Variants in MYO7B observed in about 807,000 individuals in gnomAD.
The protein encoded by MYO7B is myosin VIIB.
A neutral mutation model predicts 259.7 loss-of-function variants in MYO7B; 212 were observed. That is an observed-to-expected ratio of 0.82 (90% CI 0.73 to 0.91). The LOEUF (loss-of-function observed/expected upper bound fraction) is 0.91. Ranked by LOEUF, MYO7B falls within the 40% of genes least tolerant of loss-of-function variation. The pLI is 0.00. For missense variants in MYO7B, 2,732 were observed against 2,813.5 expected (o/e 0.97, Z 0.66); for synonymous variants, 1,197 against 1,166.4 (o/e 1.03, Z -0.54).
chr2:127,636,841 C>G lies in MYO7B; in HGVS notation c.6255C>G (p.Ser2085Arg). The change falls in exon 47 of 48, where the codon AGC (serine) becomes AGG (arginine). Residue 2085 changes from serine (S) to arginine (R), a missense_variant. Ser to Arg is a moderately radical substitution (Grantham distance 110). Coordinates refer to ENST00000409816, the MANE Select transcript of MYO7B (RefSeq NM_001393586.1). The surrounding 1 kb of genome is among the most constrained non-coding windows in gnomAD (Gnocchi z 4.5). ...TCACCAAGATCTCCAGCTGGAGCAG[C>G]GGCAGCACCTACTTCCACATGGCGC... The part of the protein sequence containing the change: ...YPFTKISSWS[S>R]GSTYFHMALG... The G allele has an allele frequency of 6.2e-7, 1 of 1,613,626 alleles. No homozygotes were observed. The highest frequency in any genetic ancestry group is 8.5e-7 in the Non-Finnish European group (1 of 1,179,852).
At chr2:127,564,114 G>C in intron 2 of MYO7B, 39 bp from the exon 3 acceptor site, 2 of 1,376,522 alleles carry the variant, frequency 1.5e-6, no homozygotes, top group Non-Finnish European at 1.0e-6. Flanking sequence ...GGGGAAGAGA[G>C]AGCGGGGATC....
At chr2:127,620,224 A>G (rs1680774190) in intron 26 of MYO7B, 116 bp from the exon 27 acceptor site, 4 of 1,245,112 alleles carry the variant, frequency 3.2e-6, no homozygotes, top group African/African-American at 3.0e-5. Context: ...GGCGCTGGAG[A>G]GGTGCCCTGC....
At position 127,631,592 on chromosome 2, in the gene MYO7B, A is replaced by C. The variant is rs756208224; in HGVS notation, c.5096-8A>C. 5 of 1,612,736 alleles carry C rather than the reference A, an allele frequency of 3.1e-6. No individual in the cohort carries two copies. In the South Asian group the frequency reaches 5.5e-5, roughly 18 times the overall value. ...CTGCCCCAGCACTGTGCTCCTTGAC[A>C]GCCACACCCATCCTCCGGTACATGG... On this transcript the variant is annotated splice_polypyrimidine_tract_variant and splice_region_variant and intron_variant, in intron 37 of 47. Coordinates refer to ENST00000409816, the MANE Select transcript of MYO7B (RefSeq NM_001393586.1).
At chr2:127,580,221 C>T (rs1048740861) in intron 9 of MYO7B, among the ~76,000 whole-genome samples, 3 of 152,190 alleles carry the variant, frequency 2.0e-5, no homozygotes, top group Non-Finnish European at 4.4e-5. Context: ...ACCAGCCTGG[C>T]ACGTCCTAAG....
intron 1 of MYO7B, among the ~76,000 whole-genome samples, chr2:127,542,565 T>C (rs17015399): frequency 0.12 from 18,262 of 152,112 alleles, 1,664 homozygotes; most frequent in East Asian, 0.24. Context: ...ATGCATACTA[T>C]GGATAAGGAT....
chr2:127,637,112 G>T, intron 47 of MYO7B, 199 bp downstream of exon 47: 1 of 1,044,790 alleles, frequency 9.6e-7, no homozygotes. Context: ...GGGACCCCCT[G>T]CGCCCTTGGC....
intron 1 of MYO7B, among the ~76,000 whole-genome samples, chr2:127,551,825 G>A (rs931620965): frequency 1.3e-5 from 2 of 152,164 alleles, no homozygotes; most frequent in African/African-American, 2.4e-5. Context: ...GGTGTTCTGC[G>A]GAGTGGGTGG....
At chr2:127,616,095 A>G (rs1680563143) in intron 26 of MYO7B, among the ~76,000 whole-genome samples, 1 of 152,086 alleles carries the variant, frequency 6.6e-6, no homozygotes, top group Non-Finnish European at 1.5e-5. Flanking sequence ...ACAAGCTGCA[A>G]CTCAGCTTCT....
intron 6 of MYO7B, among the ~76,000 whole-genome samples, chr2:127,570,224 C>T (rs1678538804): frequency 6.6e-6 from 1 of 151,948 alleles, no homozygotes; most frequent in Non-Finnish European, 1.5e-5. Context: ...GTTGCTGGAA[C>T]TGAACTGGAA....
intron 15 of MYO7B, among the ~76,000 whole-genome samples, chr2:127,589,696 G>T (rs1679477726): frequency 7.5e-6 from 1 of 133,236 alleles, no homozygotes; most frequent in African/African-American, 2.9e-5. Context: ...ATGGGTGAGA[G>T]GGTGGATGGA....
intron 1 of MYO7B, among the ~76,000 whole-genome samples, chr2:127,551,183 T>C (rs1406422567): frequency 2.0e-5 from 3 of 152,230 alleles, no homozygotes; most frequent in African/African-American, 7.2e-5. Flanking sequence ...ACCAGGCATC[T>C]CTCCTTGGCT....
intron 26 of MYO7B, among the ~76,000 whole-genome samples, chr2:127,617,162 T>TA (rs1184112389): frequency 1.3e-5 from 2 of 152,132 alleles, no homozygotes; most frequent in African/African-American, 4.8e-5. Context: ...ATCTCACAGG[T>TA]ACCAGCGCAC....
intron 2 of MYO7B, among the ~76,000 whole-genome samples, chr2:127,562,941 AT>A (rs1573624176): frequency 6.6e-6 from 1 of 152,062 alleles, no homozygotes. Context: ...ATTCTATATC[AT>A]TTTGCTCACT....
chr2:127,612,565 C>T lies in MYO7B; in HGVS notation c.3360C>T (p.His1120=), dbSNP rs374356626. The change falls in exon 26 of 48, where the codon CAC becomes CAT. Residue 1120 remains histidine (H), a synonymous_variant. Transcript: ENST00000409816. ...DRPMSNLEKV[H]FIVGYAILRP... ...CCATGTCCAACCTGGAGAAGGTGCA[C>T]TTCATCGTGGGCTACGCCATCCTGC... is the stretch of plus-strand genomic sequence containing the variant. The T allele has an allele frequency of 6.2e-7, 1 of 1,605,586 alleles. No homozygotes were observed. Among genetic ancestry groups the T allele is most frequent in the Non-Finnish European group, 8.5e-7 (1 of 1,176,438 alleles).
rs370846079 is a variant in MYO7B, at chr2:127,631,394, C to T, written c.5095+31C>T. 119 of 1,589,072 alleles carry T rather than the reference C, an allele frequency of 7.5e-5. 3 individuals carry two copies. The Middle Eastern group carries it at 3.4e-3, about 45-fold the overall frequency. On this transcript the variant is annotated intron_variant, in intron 37 of 47. Transcript: ENST00000409816. ...CTTCCCCACCAGCCTGCCTGCACCT[C>T]GTCAATGCCAGGGCAGAGGCACCCA... is the stretch of plus-strand genomic sequence containing the variant.
At chr2:127,575,576 GAAAC>G (rs1678834272) in intron 7 of MYO7B, among the ~76,000 whole-genome samples, 1 of 151,336 alleles carries the variant, frequency 6.6e-6, no homozygotes, top group African/African-American at 2.4e-5. Flanking sequence ...TAAAAAAAAA[GAAAC>G]AAAGAAAAGA....
chr2:127,632,997 G>A (rs1271208023), intron 39 of MYO7B, among the ~76,000 whole-genome samples: 3 of 152,168 alleles, frequency 2.0e-5, no homozygotes, highest in East Asian at 1.9e-4. Flanking sequence ...CTTTCCTGCC[G>A]GCGCCTTCCC....
chr2:127,625,272 TG>T, intron 30 of MYO7B, 95 bp from the exon 31 acceptor site: 1 of 1,364,852 alleles, frequency 7.3e-7, no homozygotes. Flanking sequence ...TCCCCTGTGA[TG>T]GGGCAAGAGC....
chr2:127,554,990 C>T (rs578076781), intron 1 of MYO7B, among the ~76,000 whole-genome samples: 17 of 151,222 alleles, frequency 1.1e-4, no homozygotes, highest in African/African-American at 3.9e-4. Context: ...CTCTCGTTGC[C>T]CAGGCTGGAG....
Sources: gnomAD v4.1 joint callset for allele counts (sites outside exome capture counted in the v4.1 genomes callset) on GRCh38, gnomAD v4.1.1 for gene constraint, Gnocchi (gnomAD v3.1) non-coding constraint, MANE v1.5 for transcripts, NCBI Gene and HGNC (gene_info 2026-07-23, HGNC 2026-07-21) for gene names.